ADAMTS17: variants seen among roughly 807,000 people sequenced by gnomAD.
The protein encoded by ADAMTS17 is ADAM metallopeptidase with thrombospondin type 1 motif 17.
ADAMTS17 carries 113 observed loss-of-function variants against 141.5 expected under a neutral mutation model. The observed-to-expected ratio is 0.80, with a 90% confidence interval of 0.69 to 0.93. ADAMTS17 has a LOEUF of 0.93. ADAMTS17 is among the 40% of genes least tolerant of loss of function. ADAMTS17 has a pLI of 0.00. For synonymous variants in ADAMTS17, 768 were observed against 630.6 expected (o/e 1.22, Z -3.27); for missense variants, 1,659 against 1,517.9 (o/e 1.09, Z -1.54).
intron 8 of ADAMTS17, among the ~76,000 whole-genome samples, chr15:100,165,722 G>T (rs1003828269): frequency 1.3e-5 from 2 of 152,188 alleles, no homozygotes; most frequent in African/African-American, 2.4e-5. Flanking sequence ...AAGATGTTTA[G>T]AATGATGCCA....
intron 8 of ADAMTS17, among the ~76,000 whole-genome samples, chr15:100,188,884 A>G (rs35430170): frequency 0.11 from 16,782 of 152,312 alleles, 1,021 homozygotes; most frequent in East Asian, 0.14. Flanking sequence ...TATGAAAGCT[A>G]TCCCGAAAAC....
At chr15:100,294,056 G>A (rs62038076) in intron 3 of ADAMTS17, among the ~76,000 whole-genome samples, 4,877 of 152,158 alleles carry the variant, frequency 0.032, 99 homozygotes, top group Non-Finnish European at 0.05. Flanking sequence ...GATGATAATC[G>A]TTCTGCCCTC....
intron 15 of ADAMTS17, among the ~76,000 whole-genome samples, chr15:100,081,049 T>C (rs772806185): frequency 6.6e-6 from 1 of 152,146 alleles, no homozygotes; most frequent in Non-Finnish European, 1.5e-5. Context: ...TGTGAGGGTG[T>C]TGCCAAAAGA....
chr15:100,166,592 G>C (rs1050825353), intron 8 of ADAMTS17, among the ~76,000 whole-genome samples: 4 of 152,146 alleles, frequency 2.6e-5, no homozygotes, highest in Non-Finnish European at 4.4e-5. Context: ...CTTCCTTGCT[G>C]CTACAGTGCA....
chr15:100,127,528 C>T (rs962591093), intron 12 of ADAMTS17, among the ~76,000 whole-genome samples: 1 of 152,180 alleles, frequency 6.6e-6, no homozygotes. Context: ...GCCGCTGCCT[C>T]GTGTGTGACG....
chr15:100,271,220 A>G (rs776043473), intron 4 of ADAMTS17, among the ~76,000 whole-genome samples: 3 of 152,210 alleles, frequency 2.0e-5, no homozygotes, highest in Non-Finnish European at 4.4e-5. Flanking sequence ...GTGTATAAAT[A>G]TCTGTTCTTG....
At chr15:100,241,624 G>T (rs1313702474) in intron 7 of ADAMTS17, among the ~76,000 whole-genome samples, 1 of 152,198 alleles carries the variant, frequency 6.6e-6, no homozygotes, top group African/African-American at 2.4e-5. Context: ...ATTCATGGAT[G>T]CTGGGCCAGG....
intron 13 of ADAMTS17, among the ~76,000 whole-genome samples, chr15:100,116,131 G>GAAA (rs2037100483): frequency 1.2e-5 from 1 of 80,076 alleles, no homozygotes; most frequent in African/African-American, 8.1e-5. Flanking sequence ...ACAGTTTTAG[G>GAAA]TAAAAAAAAA....
At chr15:99,982,741 G>A (rs187945852) in intron 20 of ADAMTS17, among the ~76,000 whole-genome samples, 2 of 152,334 alleles carry the variant, frequency 1.3e-5, no homozygotes, top group African/African-American at 4.8e-5. Context: ...CCAAGATGCA[G>A]GTAACTGAGA....
intron 18 of ADAMTS17, among the ~76,000 whole-genome samples, chr15:100,020,619 G>C (rs73482713): frequency 1.3e-5 from 2 of 152,136 alleles, no homozygotes; most frequent in East Asian, 3.9e-4. Flanking sequence ...TGAGTTCCTG[G>C]TGCCTCTCAA....
At chr15:100,299,397 C>A (rs117791666) in intron 3 of ADAMTS17, among the ~76,000 whole-genome samples, 1,563 of 151,416 alleles carry the variant, frequency 0.01, 17 homozygotes, top group Non-Finnish European at 0.012. Context: ...AAAAAACAAA[C>A]GCCAGTACTT....
At chr15:100,295,789 C>A (rs1407696614) in intron 3 of ADAMTS17, among the ~76,000 whole-genome samples, 1 of 152,204 alleles carries the variant, frequency 6.6e-6, no homozygotes, top group Non-Finnish European at 1.5e-5. Context: ...CCTGGCTAGA[C>A]ACAAGCTGAC....
chr15:100,199,254 A>G, intron 8 of ADAMTS17, 64 bp downstream of exon 8: 1 of 1,423,692 alleles, frequency 7.0e-7, no homozygotes, highest in Non-Finnish European at 9.9e-7. Flanking sequence ...ACAGAATTCA[A>G]GTGAAAAATC....
chr15:100,008,515 C>CG (rs2061085892), intron 18 of ADAMTS17, among the ~76,000 whole-genome samples: 1 of 152,192 alleles, frequency 6.6e-6, no homozygotes, highest in African/African-American at 2.4e-5. Context: ...GGCCAGGGCC[C>CG]GGGGGCCCAG....
chr15:100,011,943 T>C (rs1340953656), intron 18 of ADAMTS17, among the ~76,000 whole-genome samples: 1 of 152,240 alleles, frequency 6.6e-6, no homozygotes, highest in South Asian at 2.1e-4. Context: ...GTAGTTCTAC[T>C]TTCAGTTCTT....
intron 20 of ADAMTS17, among the ~76,000 whole-genome samples, chr15:99,985,828 G>A (rs1050959502): frequency 5.3e-5 from 8 of 152,182 alleles, no homozygotes; most frequent in East Asian, 1.9e-4. Context: ...CTAAAGCAAC[G>A]GCAAATGTCA....
Position 99,976,133 on chromosome 15 carries a change from G to A in ADAMTS17, c.3039C>T (p.Ala1013=), listed in dbSNP as rs2060321193. The change falls in exon 21 of 22, where the codon GCC becomes GCT. Residue 1013 remains alanine (A), a synonymous_variant. Coordinates refer to ENST00000268070, the MANE Select transcript of ADAMTS17 (RefSeq NM_139057.4). ...VTGRHGSECP[A]LSKPAPYRQC... Reference sequence around the variant, plus strand: ...GTCTGTAGGGGGCAGGCTTCGAGAGGGCGGGGCACTCGCTGCCGTGGCGCC... The same window carrying A: ...GTCTGTAGGGGGCAGGCTTCGAGAGAGCGGGGCACTCGCTGCCGTGGCGCC... The A allele has an allele frequency of 5.2e-6, 8 of 1,551,070 alleles. No individual in the cohort carries two copies. Among genetic ancestry groups the A allele is most frequent in the Non-Finnish European group, 7.0e-6 (8 of 1,146,978 alleles).
intron 20 of ADAMTS17, among the ~76,000 whole-genome samples, chr15:99,992,630 C>T (rs553237443): frequency 3.3e-4 from 50 of 152,308 alleles, no homozygotes; most frequent in African/African-American, 1.2e-3. Context: ...CCCTGTCTGT[C>T]CCTGCATCTC....
chr15:100,305,116 G>C (rs2045177391), intron 3 of ADAMTS17, among the ~76,000 whole-genome samples: 1 of 151,996 alleles, frequency 6.6e-6, no homozygotes, highest in African/African-American at 2.4e-5. Flanking sequence ...TGCATGTTGT[G>C]GTGCAGGAGC....
Sources: allele counts gnomAD v4.1 joint callset (sites outside exome capture counted in the v4.1 genomes callset), GRCh38; gene constraint gnomAD v4.1.1; transcripts MANE v1.5; gene names NCBI Gene and HGNC (gene_info 2026-07-23, HGNC 2026-07-21).